Variants in ATP8B4 observed in about 807,000 individuals in gnomAD.
ATP8B4 encodes the protein probable phospholipid-transporting ATPase IM.
ATP8B4 carries 133 observed loss-of-function variants against 145.6 expected under a neutral mutation model. The observed-to-expected ratio is 0.91, with a 90% confidence interval of 0.79 to 1.05. The LOEUF is 1.05. Ranked by LOEUF, ATP8B4 falls within the 50% of genes least tolerant of loss-of-function variation. The pLI, the probability that ATP8B4 is intolerant of heterozygous loss-of-function variation, is 0.00. For synonymous variants in ATP8B4, 507 were observed against 492.9 expected (o/e 1.03, Z -0.38); for missense variants, 1,458 against 1,425.2 (o/e 1.02, Z -0.37).
intron 20 of ATP8B4, 41 bp from the exon 21 acceptor site, chr15:49,901,280 C>T (rs1599011837): frequency 6.4e-7 from 1 of 1,574,488 alleles, no homozygotes; most frequent in East Asian, 2.3e-5. Context: ...ACAAAGCATA[C>T]AGAGCATGCC....
At chr15:50,128,227 C>T (rs991090052) in intron 1 of ATP8B4, among the ~76,000 whole-genome samples, 4 of 152,180 alleles carry the variant, frequency 2.6e-5, no homozygotes, top group African/African-American at 9.6e-5. Context: ...CTGGGTTTTC[C>T]TAGCTTCAGA....
In ATP8B4 at chr15:50,006,905, G is replaced by A. The variant is rs560125293; in HGVS notation, c.435+3940C>T. ...ACCTGGCTCCCACGGTCCGAGTTCC[G>A]GTGGTATCAGGAACTCTGCAGTATG... is the stretch of plus-strand genomic sequence containing the variant. On this transcript the variant is annotated intron_variant, in intron 7 of 27. Coordinates refer to ENST00000284509, the MANE Select transcript of ATP8B4 (RefSeq NM_024837.4). Among the ~76,000 whole-genome samples, 56 of 152,180 alleles carry A rather than the reference G, an allele frequency of 3.7e-4. 1 individual carries two copies. Among genetic ancestry groups the A allele is most frequent in the African/African-American group, 1.3e-3 (54 of 41,516 alleles).
intron 2 of ATP8B4, among the ~76,000 whole-genome samples, chr15:50,081,933 T>C (rs1048405340): frequency 1.1e-4 from 16 of 152,110 alleles, no homozygotes; most frequent in African/African-American, 3.9e-4. Flanking sequence ...TAGAACTCAG[T>C]GATAAAGACT....
chr15:50,040,693 G>T (rs1018613952), intron 5 of ATP8B4, among the ~76,000 whole-genome samples: 2 of 152,204 alleles, frequency 1.3e-5, no homozygotes, highest in African/African-American at 4.8e-5. Context: ...TCGGGGAGAT[G>T]CAATCACTTC....
chr15:50,024,563 C>G (rs900494343), intron 6 of ATP8B4, among the ~76,000 whole-genome samples: 1 of 152,166 alleles, frequency 6.6e-6, no homozygotes, highest in African/African-American at 2.4e-5. Context: ...ATGAGGACAG[C>G]TGGGTGAATA....
At chr15:50,114,750 G>A (rs1479433168) in intron 1 of ATP8B4, among the ~76,000 whole-genome samples, 2 of 152,176 alleles carry the variant, frequency 1.3e-5, no homozygotes, top group Admixed American at 1.3e-4. Flanking sequence ...AAAGAAATTA[G>A]CTCAATGCCT....
chr15:50,024,692 C>G (rs1400484221), intron 6 of ATP8B4, among the ~76,000 whole-genome samples: 1 of 152,216 alleles, frequency 6.6e-6, no homozygotes, highest in Non-Finnish European at 1.5e-5. Context: ...CACATTTTTG[C>G]TTGTCCAACT....
Position 49,948,673 on chromosome 15 carries a change from C to T in ATP8B4, c.1287+13304G>A, listed in dbSNP as rs143175950. Among the ~76,000 whole-genome samples the T allele has an allele frequency of 6.5e-3, 985 of 152,112 alleles. 7 individuals are homozygous for T. The highest frequency in any genetic ancestry group is 9.5e-3 in the Non-Finnish European group (646 of 67,984). ...TGTCTTTTTCTTGCAAATATGTTTACGTTCCTTGTAAATTATGGATATTAG... is the reference window on the plus strand; with the variant it reads ...TGTCTTTTTCTTGCAAATATGTTTATGTTCCTTGTAAATTATGGATATTAG... On this transcript the variant is annotated intron_variant, in intron 14 of 27. Transcript: ENST00000284509.
chr15:50,026,926 T>C (rs2050050767), intron 6 of ATP8B4, among the ~76,000 whole-genome samples: 1 of 152,134 alleles, frequency 6.6e-6, no homozygotes, highest in Admixed American at 6.5e-5. Flanking sequence ...TTTGGGCTCA[T>C]TTTTCATCCA....
intron 3 of ATP8B4, among the ~76,000 whole-genome samples, chr15:50,060,234 T>C (rs1049337890): frequency 6.6e-6 from 1 of 152,106 alleles, no homozygotes; most frequent in African/African-American, 2.4e-5. Flanking sequence ...ACAAGACAGA[T>C]CACCTCAAGC....
At chr15:50,097,143 A>G (rs890018310) in intron 2 of ATP8B4, among the ~76,000 whole-genome samples, 7 of 152,240 alleles carry the variant, frequency 4.6e-5, no homozygotes, top group Admixed American at 3.9e-4. Flanking sequence ...TTATCATTCC[A>G]TAAGAGATAA....
In ATP8B4 at chr15:49,859,030, A is replaced by C. The variant is rs535817413; in HGVS notation, c.*1164T>G. 4 of 152,334 alleles carry C rather than the reference A, an allele frequency of 2.6e-5. No individual in the cohort carries two copies. The South Asian group carries it at 8.3e-4, about 32-fold the overall frequency. 9.4% of individuals were successfully genotyped at this position (152,334 alleles called of 1,614,324 possible). A position where few individuals can be genotyped will look rare whatever the true frequency, so the allele number is the denominator to read the frequency against. ...TATCGTCCAAGTTTATAGAGGTAAG[A>C]AGTGACAGAACTGAGGTTTTCACAC... On this transcript the variant is annotated 3_prime_UTR_variant, in exon 28 of 28. Coordinates refer to ENST00000284509, the MANE Select transcript of ATP8B4 (RefSeq NM_024837.4).
intron 20 of ATP8B4, chr15:49,901,644 T>C: frequency 3.5e-6 from 1 of 283,592 alleles, no homozygotes; most frequent in Non-Finnish European, 6.9e-6. Context: ...ATTGATGAAA[T>C]CTTCTAGGAA....
intron 14 of ATP8B4, among the ~76,000 whole-genome samples, chr15:49,956,207 TG>T (rs1567073713): frequency 5.9e-5 from 9 of 152,146 alleles, no homozygotes; most frequent in Non-Finnish European, 1.3e-4. Context: ...GTTTGACAGA[TG>T]ATTTGTCTTA....
At position 49,988,124 on chromosome 15, in the gene ATP8B4, G is replaced by C. The variant is rs900157651; in HGVS notation, c.590-575C>G. On this transcript the variant is annotated intron_variant, in intron 9 of 27. Transcript: ENST00000284509. ...TGTTCTATGCTTCTTATCTTGATTA[G>C]ATTCAGAGTTCTGGGGACTCTCAAA... is the stretch of plus-strand genomic sequence containing the variant. Among the ~76,000 whole-genome samples, 3 of 152,184 alleles carry C rather than the reference G, an allele frequency of 2.0e-5. No individual in the cohort carries two copies. In the East Asian group the frequency reaches 5.8e-4, roughly 29 times the overall value.
chr15:49,961,355 T>C (rs932868779), intron 14 of ATP8B4, among the ~76,000 whole-genome samples: 2 of 152,190 alleles, frequency 1.3e-5, no homozygotes, highest in African/African-American at 2.4e-5. Context: ...TGTGTCAGGG[T>C]AAATTGTTAT....
chr15:49,897,996 T>C, intron 22 of ATP8B4, 72 bp downstream of exon 22: 1 of 1,511,406 alleles, frequency 6.6e-7, no homozygotes, highest in South Asian at 1.2e-5. Flanking sequence ...ATCTAGTGAT[T>C]ATATATTGCC....
intron 12 of ATP8B4, among the ~76,000 whole-genome samples, chr15:49,973,477 G>A (rs2045364469): frequency 1.3e-5 from 2 of 152,058 alleles, no homozygotes; most frequent in South Asian, 2.1e-4. Context: ...TGTTTGATGT[G>A]GCTTCACTTT....
chr15:50,144,326 A>G (rs762032004), intron 1 of ATP8B4, among the ~76,000 whole-genome samples: 54 of 152,212 alleles, frequency 3.5e-4, no homozygotes, highest in Non-Finnish European at 6.3e-4. Flanking sequence ...TTCACAGTGT[A>G]TTAGTCCATT....
Sources: gnomAD v4.1 joint callset for allele counts (sites outside exome capture counted in the v4.1 genomes callset) on GRCh38, gnomAD v4.1.1 for gene constraint, MANE v1.5 for transcripts, NCBI Gene and HGNC (gene_info 2026-07-23, HGNC 2026-07-21) for gene names.